The following ADK variants were observed in gnomAD, a reference collection of about 807,000 sequenced individuals.
The protein encoded by ADK is adenosine kinase, also known as N6,N6-dimethyladenosine kinase.
A neutral mutation model predicts 44.7 loss-of-function variants in ADK; 24 were observed. The ratio of observed to expected loss-of-function variants is 0.54; its 90% confidence interval spans 0.39 to 0.76. The LOEUF is 0.76. Among genes scored for constraint, ADK ranks in the 30% least tolerant of loss-of-function variants. The pLI, the probability that ADK is intolerant of heterozygous loss-of-function variation, is 0.00. For synonymous variants in ADK, 128 were observed against 142.6 expected (o/e 0.90, Z 0.73); for missense variants, 321 against 425.1 (o/e 0.76, Z 2.15).
intron 3 of ADK, among the ~76,000 whole-genome samples, chr10:74,261,070 G>C (rs1846019314): frequency 6.6e-6 from 1 of 152,162 alleles, no homozygotes; most frequent in Admixed American, 6.5e-5. Context: ...GTTCTGAAAA[G>C]TTATATAATA....
chr10:74,201,056 CT>C (rs1843358788), intron 2 of ADK, among the ~76,000 whole-genome samples: 1 of 152,074 alleles, frequency 6.6e-6, no homozygotes, highest in South Asian at 2.1e-4. Context: ...TTACTTAAAA[CT>C]TTTTTGCTTA....
intron 6 of ADK, among the ~76,000 whole-genome samples, chr10:74,514,469 T>C (rs1232360931): frequency 6.6e-6 from 1 of 152,028 alleles, no homozygotes; most frequent in Non-Finnish European, 1.5e-5. Context: ...TTAAAGTTAG[T>C]CTGCCTGTGT....
At chr10:74,193,481 G>A (rs1438939185) in intron 1 of ADK, among the ~76,000 whole-genome samples, 1 of 148,276 alleles carries the variant, frequency 6.7e-6, no homozygotes, top group Admixed American at 6.8e-5. Context: ...AAACTTCTTT[G>A]TCTTTATAAA....
chr10:74,371,709 C>T, intron 4 of ADK: 2 of 1,317,858 alleles, frequency 1.5e-6, no homozygotes, highest in Non-Finnish European at 2.2e-6. Flanking sequence ...GGAGAAGCTT[C>T]TGCTGGCAGC....
intron 6 of ADK, among the ~76,000 whole-genome samples, chr10:74,459,586 G>T (rs1300212299): frequency 6.6e-6 from 1 of 151,718 alleles, no homozygotes; most frequent in African/African-American, 2.4e-5. Flanking sequence ...AAAATTACCT[G>T]GGCGTGGTAG....
At chr10:74,531,331 C>T (rs1174297368) in intron 7 of ADK, among the ~76,000 whole-genome samples, 5 of 152,230 alleles carry the variant, frequency 3.3e-5, no homozygotes, top group South Asian at 2.1e-4. Context: ...GTTCTGGTCC[C>T]TCCTGTCAAT....
chr10:74,521,277 A>T (rs1159731688), intron 6 of ADK, among the ~76,000 whole-genome samples: 2 of 152,170 alleles, frequency 1.3e-5, no homozygotes, highest in Admixed American at 6.6e-5. Context: ...TTTGCCTTTT[A>T]TTTAAAAGTT....
intron 3 of ADK, among the ~76,000 whole-genome samples, chr10:74,242,861 G>A (rs1845274385): frequency 1.3e-5 from 2 of 152,154 alleles, no homozygotes; most frequent in African/African-American, 4.8e-5. Flanking sequence ...AGAGACTACT[G>A]CTGTACTTCA....
chr10:74,623,410 G>T (rs1051008304), intron 9 of ADK, among the ~76,000 whole-genome samples: 2 of 151,888 alleles, frequency 1.3e-5, no homozygotes, highest in African/African-American at 4.8e-5. Flanking sequence ...GTAGGATAAA[G>T]CATCTTTATC....
chr10:74,583,495 GCATATATCTAAATTTTCTTTC>G (rs1235022331), intron 7 of ADK, among the ~76,000 whole-genome samples: 2 of 152,154 alleles, frequency 1.3e-5, no homozygotes, highest in African/African-American at 4.8e-5. Context: ...CATTTAGATA[GCATATATCTAAATTTTCTTTC>G]CAGAATTTGC....
chr10:74,217,937 A>G (rs1314487886), intron 2 of ADK, among the ~76,000 whole-genome samples: 2 of 152,146 alleles, frequency 1.3e-5, no homozygotes, highest in East Asian at 3.8e-4. Context: ...CAGAGCAGAA[A>G]AACTGGAAAC....
chr10:74,663,365 A>C (rs1854824220), intron 9 of ADK, among the ~76,000 whole-genome samples: 1 of 151,802 alleles, frequency 6.6e-6, no homozygotes, highest in African/African-American at 2.4e-5. Flanking sequence ...TATCCTATTC[A>C]CATCTGTATT....
Position 74,504,618 on chromosome 10 carries a change from C to T in ADK, c.556-20638C>T, listed in dbSNP as rs556177297. ...TATTCATTGATATGGTTTGGCTCTG[C>T]TTCCCCACTCAAATCTCATCTCGAA... is the stretch of plus-strand genomic sequence containing the variant. On this transcript the variant is annotated intron_variant, in intron 6 of 10. Coordinates refer to ENST00000539909, the MANE Select transcript of ADK (RefSeq NM_006721.4). Among the ~76,000 whole-genome samples the T allele has an allele frequency of 6.6e-5, 10 of 152,284 alleles. No individual in the cohort carries two copies. The South Asian group carries it at 1.9e-3, about 28-fold the overall frequency.
chr10:74,364,426 C>T (rs77869325), intron 4 of ADK, among the ~76,000 whole-genome samples: 1,865 of 152,298 alleles, frequency 0.012, 19 homozygotes, highest in Middle Eastern at 0.02. Context: ...CCAGTGGGCA[C>T]GAGTCACCCA....
intron 3 of ADK, among the ~76,000 whole-genome samples, chr10:74,235,387 T>G (rs996210258): frequency 5.9e-5 from 9 of 152,118 alleles, no homozygotes; most frequent in Non-Finnish European, 8.8e-5. Context: ...TAGACTGGAG[T>G]TGAGTGGCAT....
intron 3 of ADK, among the ~76,000 whole-genome samples, chr10:74,267,066 A>G (rs930058660): frequency 7.2e-5 from 11 of 152,358 alleles, no homozygotes; most frequent in East Asian, 5.8e-4. Context: ...AAAAGTTTAC[A>G]TACATTTCCA....
At chr10:74,177,475 A>G (rs746414254) in intron 1 of ADK, among the ~76,000 whole-genome samples, 1 of 152,160 alleles carries the variant, frequency 6.6e-6, no homozygotes, top group Non-Finnish European at 1.5e-5. Flanking sequence ...GATACTGGGC[A>G]TGTAGCGAAA....
At chr10:74,492,742 G>A (rs1350432873) in intron 6 of ADK, among the ~76,000 whole-genome samples, 1 of 152,006 alleles carries the variant, frequency 6.6e-6, no homozygotes, top group African/African-American at 2.4e-5. Flanking sequence ...TTAGATTTAG[G>A]TTATGCCTTT....
intron 6 of ADK, among the ~76,000 whole-genome samples, chr10:74,517,779 A>C (rs111989129): frequency 0.012 from 1,774 of 152,072 alleles, 12 homozygotes; most frequent in Non-Finnish European, 0.019. Flanking sequence ...GATCCAAGTG[A>C]ATTATTCTCT....
Sources: allele counts gnomAD v4.1 joint callset (sites outside exome capture counted in the v4.1 genomes callset), GRCh38; gene constraint gnomAD v4.1.1; transcripts MANE v1.5; gene names NCBI Gene and HGNC (gene_info 2026-07-23, HGNC 2026-07-21).